Variants in BIRC6 observed in about 807,000 individuals in gnomAD.
The protein encoded by BIRC6 is baculoviral IAP repeat containing 6, also known as dual E2 ubiquitin-conjugating enzyme/E3 ubiquitin-protein ligase BIRC6.
In BIRC6, 98 loss-of-function variants were observed where a neutral mutation model predicts 503.3. The ratio of observed to expected loss-of-function variants is 0.19; its 90% CI spans 0.17 to 0.23. The LOEUF is 0.23. BIRC6 is among the 10% of genes least tolerant of loss of function. The pLI, the probability that BIRC6 is intolerant of heterozygous loss-of-function variation, is 1.00. For missense variants in BIRC6, 5,360 were observed against 5,806.0 expected, an observed-to-expected ratio of 0.92 and a Z score of 2.50; for synonymous variants, 2,240 against 2,078.7, an observed-to-expected ratio of 1.08 and a Z score of -2.11.
rs767970826 is a variant in BIRC6 at position 32,482,481 on chromosome 2, A to G, written c.7595A>G (p.Asn2532Ser). The change falls in exon 39 of 74, where the codon AAT becomes AGT. Residue 2532 changes from asparagine (N) to serine (S), a missense_variant. Coordinates refer to ENST00000421745, the MANE Select transcript of BIRC6 (RefSeq NM_016252.4). ...DYWGADYGTY[N>S]YNPYIGGLGI... ...TGGGGTGCTGATTATGGGACCTACA[A>G]TTACAACCCTTACATTGGAGGTCTG... 106 of 1,613,848 alleles carry G rather than the reference A, an allele frequency of 6.6e-5. No individual in the cohort carries two copies. The highest frequency in any genetic ancestry group is 8.3e-5 in the Admixed American group (5 of 60,000).
intron 6 of BIRC6, among the ~76,000 whole-genome samples, chr2:32,397,273 C>G (rs867591483): frequency 8.6e-5 from 13 of 151,876 alleles, no homozygotes; most frequent in South Asian, 4.2e-4. Context: ...GAGTTCAAGA[C>G]TAGCCTGGCT....
intron 66 of BIRC6, among the ~76,000 whole-genome samples, chr2:32,591,984 T>C (rs2061409550): frequency 1.3e-5 from 2 of 152,224 alleles, no homozygotes; most frequent in South Asian, 4.1e-4. Flanking sequence ...TCTACCAGAA[T>C]CATGTCTTTA....
At chr2:32,584,805 T>G (rs1247294069) in intron 66 of BIRC6, among the ~76,000 whole-genome samples, 1 of 152,154 alleles carries the variant, frequency 6.6e-6, no homozygotes, top group South Asian at 2.1e-4. Flanking sequence ...AGAAAAAAAC[T>G]TAGTATTCAC....
chr2:32,402,353 A>G (rs1388594815), intron 8 of BIRC6, among the ~76,000 whole-genome samples: 1 of 152,154 alleles, frequency 6.6e-6, no homozygotes, highest in African/African-American at 2.4e-5. Context: ...AAATGGAGCT[A>G]TTTAACTGTG....
rs1188125474 is a variant in BIRC6 at position 32,618,169 on chromosome 2, C to G, written c.*265C>G. On this transcript the variant is annotated 3_prime_UTR_variant, in exon 74 of 74. Transcript: ENST00000421745. ...TGTATACAAAGAAATGGATAAATCA[C>G]TGCTATATAAGGGAAACTACCTTAG... 7.1e-6 allele frequency: 2 copies of G among 282,508 alleles called. No individual in the cohort carries two copies. Among genetic ancestry groups the G allele is most frequent in the African/African-American group, 4.3e-5 (2 of 46,418 alleles). 17.5% of individuals were successfully genotyped at this position (282,508 alleles called of 1,614,324 possible). A position where few individuals can be genotyped will look rare whatever the true frequency, so the allele number is the denominator to read the frequency against.
intron 45 of BIRC6, 116 bp downstream of exon 45, chr2:32,493,783 G>T: frequency 1.3e-6 from 1 of 764,582 alleles, no homozygotes; most frequent in Non-Finnish European, 2.0e-6. Context: ...CAGGAGGACG[G>T]TAGTAATTAA....
chr2:32,430,350 A>G (rs1051291038), intron 11 of BIRC6, among the ~76,000 whole-genome samples: 3 of 152,214 alleles, frequency 2.0e-5, no homozygotes, highest in African/African-American at 4.8e-5. Flanking sequence ...AGATTTTCTT[A>G]ACTGCCACAG....
intron 3 of BIRC6, among the ~76,000 whole-genome samples, chr2:32,383,697 A>G (rs1057124172): frequency 2.0e-5 from 3 of 151,984 alleles, no homozygotes; most frequent in Non-Finnish European, 4.4e-5. Context: ...ACACCTGGCT[A>G]ATTTTTTGTA....
Position 32,441,356 on chromosome 2 carries a change from A to C in BIRC6, c.3838A>C (p.Asn1280His). ...KEKSSNVKNE[N>H]TSGTRKSENL... ...AAAATCATCTAATGTTAAGAATGAAAATACAAGTGGCACCCGTAAATCTGA... is the reference window on the plus strand; with the variant it reads ...AAAATCATCTAATGTTAAGAATGAACATACAAGTGGCACCCGTAAATCTGA... The change falls in exon 17 of 74, where the codon AAT (asparagine) becomes CAT (histidine). Residue 1280 changes from asparagine (N) to histidine (H), a missense_variant. This residue lies in a region of BIRC6 where 2,299 missense variants were observed against 2,267.2 expected (regional missense o/e 1.01). Transcript: ENST00000421745. 6.3e-7 allele frequency: 1 copy of C among 1,591,798 alleles called. No individual in the cohort carries two copies. Among genetic ancestry groups the C allele is most frequent in the African/African-American group, 1.3e-5 (1 of 74,618 alleles).
At chr2:32,390,431 A>G (rs1323099299) in intron 4 of BIRC6, among the ~76,000 whole-genome samples, 1 of 152,074 alleles carries the variant, frequency 6.6e-6, no homozygotes, top group Non-Finnish European at 1.5e-5. Flanking sequence ...TGGCCGCCCA[A>G]AGTGCTGGGA....
At chr2:32,485,829 C>T in intron 40 of BIRC6, 70 bp downstream of exon 40, 5 of 1,028,252 alleles carry the variant, frequency 4.9e-6, no homozygotes, top group Non-Finnish European at 7.4e-6. Flanking sequence ...CAGGTGGATT[C>T]ATCAAGGACA....
chr2:32,577,932 T>C (rs1307898131), intron 66 of BIRC6, among the ~76,000 whole-genome samples: 1 of 152,338 alleles, frequency 6.6e-6, no homozygotes, highest in East Asian at 1.9e-4. Flanking sequence ...TGTGAAGATA[T>C]AATGAGTGTT....
intron 39 of BIRC6, among the ~76,000 whole-genome samples, 162 bp from the exon 40 acceptor site, chr2:32,485,481 T>C (rs996051356): frequency 6.6e-6 from 1 of 152,210 alleles, no homozygotes; most frequent in African/African-American, 2.4e-5. Flanking sequence ...TCCACAGATA[T>C]TCTTCCCCTG....
At chr2:32,382,834 C>T (rs1312143973) in intron 3 of BIRC6, among the ~76,000 whole-genome samples, 1 of 151,916 alleles carries the variant, frequency 6.6e-6, no homozygotes, top group Non-Finnish European at 1.5e-5. Context: ...AGCAGTTCTC[C>T]TGCCTCAGCC....
chr2:32,524,398 A>G (rs1426719815), intron 57 of BIRC6, among the ~76,000 whole-genome samples: 1 of 152,202 alleles, frequency 6.6e-6, no homozygotes, highest in African/African-American at 2.4e-5. Flanking sequence ...TTTGTAATAT[A>G]AGCAGAAGTC....
rs765435985 is a variant in BIRC6, at chr2:32,467,926, G to A, written c.5595G>A (p.Gly1865=). 10 of 1,612,960 alleles carry A rather than the reference G, an allele frequency of 6.2e-6. No individual in the cohort carries two copies. The highest frequency in any genetic ancestry group is 6.8e-6 in the Non-Finnish European group (8 of 1,179,540). The change falls in exon 28 of 74, where the codon GGG becomes GGA. Residue 1865 remains glycine, a synonymous_variant. Coordinates refer to ENST00000421745, the MANE Select transcript of BIRC6 (RefSeq NM_016252.4). ...FMKITVIGRY[G]STNARAKIPL... ...AGATCACTGTTATTGGACGTTACGG[G>A]AGTACAAATGCCAGAGCCAAAATCC...
intron 69 of BIRC6, 133 bp from the exon 70 acceptor site, chr2:32,599,606 C>T: frequency 1.2e-6 from 1 of 865,368 alleles, no homozygotes. Flanking sequence ...CCACTGCACT[C>T]CAGCCTGGGC....
intron 70 of BIRC6, 49 bp downstream of exon 70, chr2:32,599,949 AG>A: frequency 6.4e-7 from 1 of 1,556,342 alleles, no homozygotes. Context: ...TTGTATACAA[AG>A]GTTCTTTGTA....
At chr2:32,613,074 C>T (rs572605633) in intron 73 of BIRC6, among the ~76,000 whole-genome samples, 1 of 152,168 alleles carries the variant, frequency 6.6e-6, no homozygotes, top group African/African-American at 2.4e-5. Context: ...GCTCTCCCTC[C>T]TCCAGGCCTT....
Sources: gnomAD v4.1 joint callset for allele counts (sites outside exome capture counted in the v4.1 genomes callset) on GRCh38, gnomAD v4.1.1 for gene constraint, gnomAD v4.1.1 regional missense constraint, MANE v1.5 for transcripts, NCBI Gene and HGNC (gene_info 2026-07-23, HGNC 2026-07-21) for gene names.